DGKB: variants seen among roughly 807,000 people sequenced by gnomAD.
The protein encoded by DGKB is 90 kDa diacylglycerol kinase.
Under a neutral mutation model 114.3 loss-of-function variants are expected in DGKB, and 67 were observed. The ratio of observed to expected loss-of-function variants is 0.59; its 90% CI spans 0.48 to 0.72. DGKB has a LOEUF of 0.72. Ranked by LOEUF, DGKB falls within the 30% of genes least tolerant of loss-of-function variation. The pLI is 0.00. For missense variants in DGKB, 907 were observed against 975.2 expected (o/e 0.93, Z 0.93); for synonymous variants, 398 against 323.1 (o/e 1.23, Z -2.49).
Position 14,621,452 on chromosome 7 carries a change from G to T in DGKB, c.1210C>A (p.Gln404Lys), listed in dbSNP as rs768927200. The part of the protein sequence containing the change: ...TVKKEKSGSQ[Q>K]PNKVIDKNKM... ...TTCTTGTCAATCACTTTGTTTGGCT[G>T]CTGGGAACCACTCTTTTCCTTTTTC... The change falls in exon 15 of 26, where the codon CAG (glutamine) becomes AAG (lysine). Residue 404 changes from glutamine to lysine, a missense_variant. Physicochemically the swap from Gln to Lys is moderately conservative, Grantham distance 53. This residue lies in a region of DGKB where 814 missense variants were observed against 856.6 expected (regional missense o/e 0.95). Transcript: ENST00000402815. The T allele has an allele frequency of 3.1e-6, 5 of 1,610,726 alleles. No individual in the cohort carries two copies. Among genetic ancestry groups the T allele is most frequent in the Non-Finnish European group, 4.2e-6 (5 of 1,178,294 alleles).
chr7:14,676,243 T>C (rs1819835006), intron 12 of DGKB, among the ~76,000 whole-genome samples: 1 of 150,780 alleles, frequency 6.6e-6, no homozygotes, highest in South Asian at 2.1e-4. Context: ...AGAACATTCA[T>C]GTGGGGAAAA....
intron 21 of DGKB, among the ~76,000 whole-genome samples, chr7:14,372,992 A>C (rs937806311): frequency 6.6e-6 from 1 of 152,186 alleles, no homozygotes; most frequent in African/African-American, 2.4e-5. Flanking sequence ...ATAAGGCCAC[A>C]ACTCTACGTT....
intron 20 of DGKB, among the ~76,000 whole-genome samples, chr7:14,558,342 A>G (rs1401792389): frequency 6.6e-6 from 1 of 151,886 alleles, no homozygotes; most frequent in South Asian, 2.1e-4. Context: ...TCTTCTGAGG[A>G]TGCCTTTCAC....
intron 1 of DGKB, among the ~76,000 whole-genome samples, chr7:14,958,426 A>AACACACACAC (rs754087921): frequency 0.05 from 6,094 of 122,726 alleles, 214 homozygotes; most frequent in East Asian, 0.082. Context: ...TACCTCTCCC[A>AACACACACAC]ACACACACAC....
At chr7:14,601,152 G>C (rs1803474538) in intron 17 of DGKB, among the ~76,000 whole-genome samples, 1 of 152,182 alleles carries the variant, frequency 6.6e-6, no homozygotes, top group Non-Finnish European at 1.5e-5. Context: ...TGCCACCTCT[G>C]TCTCCTGAAG....
intron 20 of DGKB, among the ~76,000 whole-genome samples, chr7:14,529,003 T>C (rs1438360445): frequency 6.6e-6 from 1 of 152,062 alleles, no homozygotes; most frequent in African/African-American, 2.4e-5. Context: ...AGGGGGTAGT[T>C]TAACTTCATT....
At chr7:14,654,081 G>A (rs1815247526) in intron 13 of DGKB, among the ~76,000 whole-genome samples, 1 of 152,052 alleles carries the variant, frequency 6.6e-6, no homozygotes, top group Non-Finnish European at 1.5e-5. Context: ...AATTGGAAAA[G>A]AGGATGTCAA....
chr7:14,901,610 C>CA (rs1263311377), intron 1 of DGKB, among the ~76,000 whole-genome samples: 3 of 140,010 alleles, frequency 2.1e-5, no homozygotes, highest in Non-Finnish European at 4.6e-5. Flanking sequence ...TTTCCACCCC[C>CA]CCCCACCCCC....
chr7:14,881,063 A>G (rs1854154947), intron 1 of DGKB, among the ~76,000 whole-genome samples: 1 of 152,176 alleles, frequency 6.6e-6, no homozygotes, highest in African/African-American at 2.4e-5. Context: ...TATATTTCTA[A>G]TATTTTACAG....
intron 23 of DGKB, among the ~76,000 whole-genome samples, chr7:14,319,330 AT>A (rs1807283266): frequency 6.6e-6 from 1 of 152,098 alleles, no homozygotes; most frequent in Non-Finnish European, 1.5e-5. Context: ...AGAAGCAGAT[AT>A]GAGAATCCAG....
chr7:14,522,940 T>A (rs942740743), intron 20 of DGKB, among the ~76,000 whole-genome samples: 1 of 152,146 alleles, frequency 6.6e-6, no homozygotes, highest in African/African-American at 2.4e-5. Context: ...TTGGCCTAGT[T>A]TTTCACTAAA....
At chr7:14,917,435 A>G (rs1046327863) in intron 1 of DGKB, among the ~76,000 whole-genome samples, 3 of 151,946 alleles carry the variant, frequency 2.0e-5, no homozygotes, top group African/African-American at 7.2e-5. Flanking sequence ...TCTGTAGCAA[A>G]ATAGAGGTCA....
intron 23 of DGKB, among the ~76,000 whole-genome samples, chr7:14,310,638 G>T (rs2128505207): frequency 6.6e-6 from 1 of 152,254 alleles, no homozygotes; most frequent in East Asian, 1.9e-4. Flanking sequence ...GACCTGCATT[G>T]ATTCTCAGAC....
At chr7:14,919,062 G>GCGCACACACACACACACACA (rs1213217913) in intron 1 of DGKB, among the ~76,000 whole-genome samples, 1 of 118,064 alleles carries the variant, frequency 8.5e-6, no homozygotes. Context: ...TCCACCACAC[G>GCGCACACACACACACACACA]CACACACACA....
At chr7:14,382,078 C>G (rs751149683) in intron 21 of DGKB, among the ~76,000 whole-genome samples, 75 of 142,806 alleles carry the variant, frequency 5.3e-4, no homozygotes, top group Admixed American at 1.4e-3. Flanking sequence ...TCAATTAAGT[C>G]TAAACTGCAA....
chr7:14,551,243 A>G lies in DGKB; in HGVS notation c.1770+22969T>C, dbSNP rs148693723. Among the ~76,000 whole-genome samples, 160 of 152,316 alleles carry G rather than the reference A, an allele frequency of 1.1e-3. 1 individual carries two copies. Among genetic ancestry groups the G allele is most frequent in the African/African-American group, 3.7e-3 (152 of 41,566 alleles). On this transcript the variant is annotated intron_variant, in intron 20 of 25. Transcript: ENST00000402815. ...TAATATATATGTGTAGTAAAAGTCC[A>G]CTTGTCTTTGTCAGATTTCTTCCAG...
At chr7:14,948,597 T>C (rs1210755315) in intron 1 of DGKB, among the ~76,000 whole-genome samples, 5 of 151,808 alleles carry the variant, frequency 3.3e-5, no homozygotes, top group Non-Finnish European at 2.9e-5. Flanking sequence ...CTAAAGACCA[T>C]GAAAAAGATA....
At chr7:14,594,846 C>G (rs1379853171) in intron 17 of DGKB, among the ~76,000 whole-genome samples, 3 of 151,982 alleles carry the variant, frequency 2.0e-5, no homozygotes, top group Non-Finnish European at 2.9e-5. Context: ...AAAAGAATAG[C>G]TCTAAATACT....
intron 20 of DGKB, among the ~76,000 whole-genome samples, chr7:14,545,137 T>C (rs887285552): frequency 1.3e-5 from 2 of 152,132 alleles, no homozygotes; most frequent in East Asian, 1.9e-4. Context: ...TTTCTACTCA[T>C]TTCTATGCAT....
Sources: allele counts gnomAD v4.1 joint callset (sites outside exome capture counted in the v4.1 genomes callset), GRCh38; gene constraint gnomAD v4.1.1; regional missense constraint gnomAD v4.1.1; transcripts MANE v1.5; gene names NCBI Gene and HGNC (gene_info 2026-07-23, HGNC 2026-07-21).